TSPAN12: variants seen among roughly 807,000 people sequenced by gnomAD.
TSPAN12 encodes the protein tetraspanin 12.
In TSPAN12, 19 loss-of-function variants were observed where a neutral mutation model predicts 39.2. That is an observed-to-expected ratio of 0.49 (90% CI 0.34 to 0.71). The LOEUF (loss-of-function observed/expected upper bound fraction) is 0.71. TSPAN12 is among the 30% of genes least tolerant of loss of function. The pLI is 0.01. For missense variants in TSPAN12, 314 were observed against 359.9 expected (o/e 0.87, Z 1.03); for synonymous variants, 119 against 124.8 (o/e 0.95, Z 0.31).
chr7:120,850,753 G>A (rs74326684), intron 2 of TSPAN12, among the ~76,000 whole-genome samples: 9,978 of 150,996 alleles, frequency 0.066, 660 homozygotes, highest in East Asian at 0.32. Flanking sequence ...GCAGTGACAC[G>A]ATCTTGGCTC....
At chr7:120,808,624 T>G (rs1244543727) in intron 6 of TSPAN12, among the ~76,000 whole-genome samples, 2 of 152,092 alleles carry the variant, frequency 1.3e-5, no homozygotes, top group Non-Finnish European at 2.9e-5. Flanking sequence ...ACTACTATGT[T>G]AAAATAAATA....
chr7:120,802,672 T>C (rs1186601375), intron 7 of TSPAN12, among the ~76,000 whole-genome samples: 1 of 152,206 alleles, frequency 6.6e-6, no homozygotes, highest in African/African-American at 2.4e-5. Flanking sequence ...TTGGTTATCG[T>C]ATCATCATTT....
chr7:120,854,722 C>A lies in TSPAN12; in HGVS notation c.66+1976G>T, dbSNP rs544479326. ...TAACAGCAAAAAAATCAAGAATTTA[C>A]ATGTATAGCATTGTGTATCTGTTGT... On this transcript the variant is annotated intron_variant, in intron 2 of 7. Coordinates refer to ENST00000222747, the MANE Select transcript of TSPAN12 (RefSeq NM_012338.4). Among the ~76,000 whole-genome samples the A allele has an allele frequency of 2.0e-5, 3 of 152,258 alleles. No homozygotes were observed. In the South Asian group the frequency reaches 6.2e-4, roughly 32 times the overall value.
At chr7:120,839,309 C>G (rs1264979142) in intron 3 of TSPAN12, among the ~76,000 whole-genome samples, 3 of 152,166 alleles carry the variant, frequency 2.0e-5, no homozygotes, top group Non-Finnish European at 4.4e-5. Flanking sequence ...CCCATGTGCA[C>G]TACGTTTCTT....
chr7:120,831,445 A>G (rs1199624734), intron 4 of TSPAN12, among the ~76,000 whole-genome samples: 3 of 152,124 alleles, frequency 2.0e-5, no homozygotes, highest in African/African-American at 7.2e-5. Flanking sequence ...CATATATACA[A>G]CAGAATACTA....
intron 7 of TSPAN12, among the ~76,000 whole-genome samples, chr7:120,794,313 T>C (rs927524114): frequency 1.3e-5 from 2 of 152,282 alleles, no homozygotes; most frequent in African/African-American, 2.4e-5. Flanking sequence ...ATTAGTACAT[T>C]TGTCCCCACC....
chr7:120,808,625 AAAAT>A (rs1350355118), intron 6 of TSPAN12, among the ~76,000 whole-genome samples: 1 of 152,154 alleles, frequency 6.6e-6, no homozygotes, highest in Non-Finnish European at 1.5e-5. Context: ...CTACTATGTT[AAAAT>A]AAATAAATAA....
intron 2 of TSPAN12, among the ~76,000 whole-genome samples, chr7:120,853,866 C>A (rs1038144197): frequency 6.9e-6 from 1 of 144,088 alleles, no homozygotes; most frequent in Admixed American, 7.1e-5. Context: ...GAGTGAGACT[C>A]CGTCCCAAAA....
chr7:120,791,315 G>A (rs780874165), intron 7 of TSPAN12, among the ~76,000 whole-genome samples: 5 of 151,468 alleles, frequency 3.3e-5, no homozygotes, highest in Non-Finnish European at 7.4e-5. Context: ...GGCAACAGAG[G>A]GAGACCTTGT....
chr7:120,818,152 G>GT (rs1467222085), intron 4 of TSPAN12, among the ~76,000 whole-genome samples: 1 of 152,180 alleles, frequency 6.6e-6, no homozygotes, highest in African/African-American at 2.4e-5. Context: ...GAGCTAGCTA[G>GT]TTAAAAACTC....
chr7:120,837,772 G>C (rs1794506553), intron 4 of TSPAN12, among the ~76,000 whole-genome samples: 1 of 152,212 alleles, frequency 6.6e-6, no homozygotes, highest in Non-Finnish European at 1.5e-5. Flanking sequence ...GACTTGGCAT[G>C]GGAGCCAGTC....
chr7:120,788,927 T>C lies in TSPAN12; in HGVS notation c.613-30A>G, dbSNP rs1793464817. 4 of 1,612,046 alleles carry C rather than the reference T, an allele frequency of 2.5e-6. No homozygotes were observed. In the African/African-American group the frequency reaches 4.0e-5, roughly 16 times the overall value. On this transcript the variant is annotated intron_variant, in intron 7 of 7. Transcript: ENST00000222747. ...AAAAGAAATACATGGTCAACATTAC[T>C]TTAGATATGTTACAGAAGGCCAAAA...
chr7:120,842,950 A>T (rs1379036606), intron 2 of TSPAN12, among the ~76,000 whole-genome samples: 1 of 152,116 alleles, frequency 6.6e-6, no homozygotes, highest in East Asian at 1.9e-4. Flanking sequence ...GAAATAATGG[A>T]TCTGAAATAA....
intron 5 of TSPAN12, 68 bp from the exon 6 acceptor site, chr7:120,810,638 AC>A: frequency 1.3e-6 from 1 of 795,732 alleles, no homozygotes; most frequent in South Asian, 1.4e-5. Context: ...ACACACACAC[AC>A]ACACACACAC....
chr7:120,826,935 C>T (rs1047801025), intron 4 of TSPAN12, among the ~76,000 whole-genome samples: 2 of 152,132 alleles, frequency 1.3e-5, no homozygotes, highest in African/African-American at 4.8e-5. Context: ...GTTGGCCAGG[C>T]TGGTCTCGAA....
In TSPAN12 at chr7:120,858,085, T is replaced by C. The variant is rs1794912125; in HGVS notation, c.-336A>G. 1 of 151,234 alleles carries C rather than the reference T, an allele frequency of 6.6e-6. No individual in the cohort carries two copies. The highest frequency in any genetic ancestry group is 1.5e-5 in the Non-Finnish European group (1 of 67,994). 9.4% of individuals were successfully genotyped at this position (151,234 alleles called of 1,614,324 possible). A position where few individuals can be genotyped will look rare whatever the true frequency, so the allele number is the denominator to read the frequency against. On this transcript the variant is annotated 5_prime_UTR_variant, in exon 1 of 8. Coordinates refer to ENST00000222747, the MANE Select transcript of TSPAN12 (RefSeq NM_012338.4). ...CAGCGCCGCTGTCCCTCCCAAGTCCTCTCCGAGTCCGGACGAGGCAGCGGC... is the reference window on the plus strand; with the variant it reads ...CAGCGCCGCTGTCCCTCCCAAGTCCCCTCCGAGTCCGGACGAGGCAGCGGC...
intron 1 of TSPAN12, chr7:120,857,290 A>T (rs1037704052): frequency 1.7e-5 from 4 of 230,200 alleles, no homozygotes; most frequent in African/African-American, 9.0e-5. Context: ...CCTTCTAGTT[A>T]GGACAGTTCC....
chr7:120,792,812 A>G (rs185088700), intron 7 of TSPAN12, among the ~76,000 whole-genome samples: 5 of 152,368 alleles, frequency 3.3e-5, no homozygotes, highest in African/African-American at 1.2e-4. Context: ...CTGTCACATT[A>G]TATTATTTAA....
intron 7 of TSPAN12, among the ~76,000 whole-genome samples, chr7:120,799,561 TATA>T (rs1213352997): frequency 8.8e-6 from 1 of 113,218 alleles, no homozygotes; most frequent in Non-Finnish European, 1.7e-5. Context: ...TATAATTAAA[TATA>T]ATTATTTATA....
Sources: allele counts gnomAD v4.1 joint callset (sites outside exome capture counted in the v4.1 genomes callset), GRCh38; gene constraint gnomAD v4.1.1; transcripts MANE v1.5; gene names NCBI Gene and HGNC (gene_info 2026-07-23, HGNC 2026-07-21).